The following PRKCE variants were observed in gnomAD, a reference collection of about 807,000 sequenced individuals.
The protein encoded by PRKCE is protein kinase C epsilon, also known as protein kinase C epsilon type.
PRKCE carries 16 observed loss-of-function variants against 85.4 expected under a neutral mutation model. The observed-to-expected ratio is 0.19, with a 90% CI of 0.13 to 0.28. The LOEUF (loss-of-function observed/expected upper bound fraction) is 0.28, where lower values mean the gene tolerates loss of function less well. Ranked by LOEUF, PRKCE falls within the 10% of genes least tolerant of loss-of-function variation. PRKCE has a pLI of 1.00. For missense variants in PRKCE, 573 were observed against 975.2 expected (o/e 0.59, Z 5.49); for synonymous variants, 388 against 371.5 (o/e 1.04, Z -0.51).
At chr2:46,038,519 C>T (rs1234960305) in intron 10 of PRKCE, among the ~76,000 whole-genome samples, 1 of 152,084 alleles carries the variant, frequency 6.6e-6, no homozygotes, top group Non-Finnish European at 1.5e-5. Context: ...AATGAACTGG[C>T]TTCAGAAGAG....
At chr2:45,720,390 A>T (rs1200056414) in intron 1 of PRKCE, among the ~76,000 whole-genome samples, 1 of 151,920 alleles carries the variant, frequency 6.6e-6, no homozygotes, top group Non-Finnish European at 1.5e-5. Flanking sequence ...GCTCCCCAGT[A>T]CCTCCCAGGG....
At chr2:45,867,456 C>A (rs1693702176) in intron 2 of PRKCE, among the ~76,000 whole-genome samples, 1 of 152,208 alleles carries the variant, frequency 6.6e-6, no homozygotes, top group Non-Finnish European at 1.5e-5. Context: ...GTTGGAGCCT[C>A]CTTCCCTGCT....
At chr2:46,110,871 T>C (rs1672194561) in intron 11 of PRKCE, among the ~76,000 whole-genome samples, 1 of 152,158 alleles carries the variant, frequency 6.6e-6, no homozygotes, top group African/African-American at 2.4e-5. Context: ...CGTATTCCAC[T>C]AATTTTGATA....
chr2:45,770,048 GC>G (rs1359214952), intron 1 of PRKCE, among the ~76,000 whole-genome samples: 1 of 152,238 alleles, frequency 6.6e-6, no homozygotes, highest in Non-Finnish European at 1.5e-5. Flanking sequence ...TTGCAGTTCT[GC>G]AAGAGGTGGG....
At chr2:45,762,937 T>TCTTTC (rs1317841516) in intron 1 of PRKCE, among the ~76,000 whole-genome samples, 21 of 139,310 alleles carry the variant, frequency 1.5e-4, no homozygotes, top group African/African-American at 5.4e-4. Flanking sequence ...TTCTTTCTTT[T>TCTTTC]CTTTTCTTTT....
At chr2:45,878,737 A>C (rs931783508) in intron 2 of PRKCE, among the ~76,000 whole-genome samples, 1 of 152,226 alleles carries the variant, frequency 6.6e-6, no homozygotes, top group African/African-American at 2.4e-5. Context: ...CAGCAGAATA[A>C]AAAGCTTTAA....
At chr2:45,865,235 A>C (rs1457282196) in intron 2 of PRKCE, among the ~76,000 whole-genome samples, 1 of 152,182 alleles carries the variant, frequency 6.6e-6, no homozygotes, top group Non-Finnish European at 1.5e-5. Context: ...GTGATTCTCA[A>C]CCCTCTTTAA....
intron 10 of PRKCE, among the ~76,000 whole-genome samples, chr2:46,085,749 G>T (rs67156590): frequency 0.4 from 7,225 of 18,140 alleles, 1,621 homozygotes; most frequent in Non-Finnish European, 0.53. Context: ...TTTTTTTTTT[G>T]TTTTTGTTTT....
chr2:45,866,371 G>C (rs926182281), intron 2 of PRKCE, among the ~76,000 whole-genome samples: 2 of 152,140 alleles, frequency 1.3e-5, no homozygotes, highest in East Asian at 3.9e-4. Context: ...GCAGTGGCAC[G>C]ATCTCAGCTC....
At chr2:45,852,516 A>G (rs75364640) in intron 2 of PRKCE, among the ~76,000 whole-genome samples, 2,562 of 152,258 alleles carry the variant, frequency 0.017, 60 homozygotes, top group African/African-American at 0.058. Context: ...ACAAACAAAG[A>G]TGAAAAAGAC....
At chr2:45,984,715 A>G (rs1380814419) in intron 6 of PRKCE, 35 bp downstream of exon 6, 3 of 1,578,832 alleles carry the variant, frequency 1.9e-6, no homozygotes, top group Non-Finnish European at 2.6e-6. Context: ...CAGCCCCTGC[A>G]TGTCCCCTTC....
chr2:45,913,947 C>G (rs1030029348), intron 2 of PRKCE, among the ~76,000 whole-genome samples: 2 of 152,198 alleles, frequency 1.3e-5, no homozygotes, highest in Non-Finnish European at 2.9e-5. Context: ...TTGTACCCTC[C>G]TTTCTTTTTA....
chr2:45,938,802 C>T (rs369087309), intron 2 of PRKCE, among the ~76,000 whole-genome samples: 111 of 152,342 alleles, frequency 7.3e-4, no homozygotes, highest in African/African-American at 2.5e-3. Flanking sequence ...TCTCACTCAT[C>T]TACAGTTCTC....
Position 46,131,756 on chromosome 2 carries a change from G to C in PRKCE, c.1593-13337G>C, listed in dbSNP as rs937394824. On this transcript the variant is annotated intron_variant, in intron 11 of 14. Coordinates refer to ENST00000306156, the MANE Select transcript of PRKCE (RefSeq NM_005400.3). ...GTTCTTCCCACATGCAGACTCTACTGCCTTGAAAAAGGGCATGTCTCCCAG... is the reference window on the plus strand; with the variant it reads ...GTTCTTCCCACATGCAGACTCTACTCCCTTGAAAAAGGGCATGTCTCCCAG... 2.0e-5 allele frequency among the ~76,000 whole-genome samples: 3 copies of C among 152,306 alleles called. No homozygotes were observed. In the East Asian group the frequency reaches 5.8e-4, roughly 29 times the overall value.
At chr2:45,720,950 T>C (rs1680569857) in intron 1 of PRKCE, among the ~76,000 whole-genome samples, 1 of 151,936 alleles carries the variant, frequency 6.6e-6, no homozygotes, top group Non-Finnish European at 1.5e-5. Context: ...CTACTAAAAG[T>C]ACAAAAATTA....
At chr2:45,893,222 G>A (rs1004196086) in intron 2 of PRKCE, among the ~76,000 whole-genome samples, 3 of 152,296 alleles carry the variant, frequency 2.0e-5, no homozygotes, top group Non-Finnish European at 2.9e-5. Flanking sequence ...GGGAGATTTG[G>A]TGATAGAAGG....
chr2:45,924,086 C>G (rs1041500433), intron 2 of PRKCE, among the ~76,000 whole-genome samples: 21 of 152,150 alleles, frequency 1.4e-4, no homozygotes, highest in Middle Eastern at 3.2e-3. Flanking sequence ...GATTTGCAGT[C>G]AACAAATGGA....
chr2:45,701,852 CCTT>C (rs1288568834), intron 1 of PRKCE, among the ~76,000 whole-genome samples: 1 of 151,982 alleles, frequency 6.6e-6, no homozygotes, highest in Non-Finnish European at 1.5e-5. Context: ...TTATTTTTTT[CCTT>C]CTTCTCTTAG....
chr2:45,764,102 C>G (rs2104852601), intron 1 of PRKCE, among the ~76,000 whole-genome samples: 1 of 152,268 alleles, frequency 6.6e-6, no homozygotes, highest in East Asian at 1.9e-4. Context: ...TTACAATACC[C>G]CAGGAGTTCT....
Sources: gnomAD v4.1 joint callset for allele counts (sites outside exome capture counted in the v4.1 genomes callset) on GRCh38, gnomAD v4.1.1 for gene constraint, MANE v1.5 for transcripts, NCBI Gene and HGNC (gene_info 2026-07-23, HGNC 2026-07-21) for gene names.